Variants in MYCBP2 observed in about 807,000 individuals in gnomAD.
MYCBP2 encodes E3 ubiquitin-protein ligase MYCBP2.
MYCBP2 carries 120 observed loss-of-function variants against 525.3 expected under a neutral mutation model. That is an observed-to-expected ratio of 0.23 (90% CI 0.20 to 0.27). The LOEUF is 0.27. Among genes scored for constraint, MYCBP2 ranks in the 10% least tolerant of loss-of-function variants. The pLI, the probability that MYCBP2 is intolerant of heterozygous loss-of-function variation, is 1.00. For synonymous variants in MYCBP2, 1,894 were observed against 1,955.8 expected (o/e 0.97, Z 0.83); for missense variants, 4,149 against 5,657.1 (o/e 0.73, Z 8.55).
intron 18 of MYCBP2, among the ~76,000 whole-genome samples, chr13:77,232,754 TA>T (rs1324409921): frequency 2.0e-5 from 3 of 152,188 alleles, no homozygotes; most frequent in Non-Finnish European, 4.4e-5. Context: ...ATACTGAATT[TA>T]GTAATATTGT....
rs541930506 is a variant in MYCBP2, at chr13:77,190,913, T to C, written c.4071-578A>G. 2.0e-5 allele frequency among the ~76,000 whole-genome samples: 3 copies of C among 152,318 alleles called. 1 individual carries two copies. Among genetic ancestry groups the C allele is most frequent in the African/African-American group, 7.2e-5 (3 of 41,576 alleles). On this transcript the variant is annotated intron_variant, in intron 28 of 82. Coordinates refer to ENST00000544440, the MANE Select transcript of MYCBP2 (RefSeq NM_015057.5). ...ACCTGCACTGGAATATATACTGTTA[T>C]ATAACTTCAACTGATTTCAAATAGT...
intron 1 of MYCBP2, among the ~76,000 whole-genome samples, chr13:77,307,489 G>A (rs1406507127): frequency 2.0e-5 from 3 of 151,144 alleles, no homozygotes; most frequent in Non-Finnish European, 3.0e-5. Flanking sequence ...AGCCAGGCAC[G>A]GTGGCATGTG....
rs775182597 is a variant in MYCBP2, at chr13:77,146,187, G to A, written c.7162C>T (p.Arg2388Cys). 3 of 1,597,474 alleles carry A rather than the reference G, an allele frequency of 1.9e-6. No individual in the cohort carries two copies. Among genetic ancestry groups the A allele is most frequent in the Non-Finnish European group, 1.7e-6 (2 of 1,172,860 alleles). The change falls in exon 48 of 83, where the codon CGT (arginine) becomes TGT (cysteine). Residue 2388 changes from arginine to cysteine, a missense_variant. Arg to Cys is a radical substitution (Grantham distance 180). Around this residue, in one of 21 missense-constraint regions of MYCBP2, gnomAD observed 692 missense variants for 852.7 expected, o/e 0.81. Coordinates refer to ENST00000544440, the MANE Select transcript of MYCBP2 (RefSeq NM_015057.5). Reference sequence around the variant, plus strand: ...CTCTTAGGAGTTGGTGATGCAAAACGTAGTTCTTCAAATGAATAATTTTCA... The same window carrying A: ...CTCTTAGGAGTTGGTGATGCAAAACATAGTTCTTCAAATGAATAATTTTCA... Reference protein sequence around the residue: ...VYENYSFEELRFASPTPKRPS... With the variant: ...VYENYSFEELCFASPTPKRPS...
chr13:77,112,210 G>C (rs991553976), intron 55 of MYCBP2, among the ~76,000 whole-genome samples: 2 of 150,856 alleles, frequency 1.3e-5, no homozygotes, highest in African/African-American at 4.9e-5. Context: ...TTTCTTGCTT[G>C]TTATGATGGA....
At chr13:77,150,508 T>C (rs938142413) in intron 47 of MYCBP2, among the ~76,000 whole-genome samples, 8 of 152,152 alleles carry the variant, frequency 5.3e-5, no homozygotes, top group African/African-American at 1.7e-4. Context: ...CTGATTCGAT[T>C]AACTTGATCT....
intron 46 of MYCBP2, among the ~76,000 whole-genome samples, chr13:77,151,772 A>G (rs1246093447): frequency 2.6e-5 from 4 of 152,248 alleles, no homozygotes; most frequent in Non-Finnish European, 1.5e-5. Flanking sequence ...TATTTCATCT[A>G]CTAACTACTA....
In MYCBP2 at chr13:77,273,686, T is replaced by A; in HGVS notation, c.749-18A>T. ...GAGAGACTCTGTGGATAAAATAGAA[T>A]TCAATTATATTCATCCAACATACGG... On this transcript the variant is annotated intron_variant, in intron 4 of 82. Transcript: ENST00000544440. 13 of 1,447,322 alleles carry A rather than the reference T, an allele frequency of 9.0e-6. No homozygotes were observed. Among genetic ancestry groups the A allele is most frequent in the Non-Finnish European group, 1.1e-5 (12 of 1,094,666 alleles). The allele number at this position is 1,447,322 out of a possible 1,614,324, so 89.7% of individuals were successfully genotyped here. A position where few individuals can be genotyped will look rare whatever the true frequency, so the allele number is the denominator to read the frequency against.
chr13:77,117,285 T>C (rs1420011379), intron 55 of MYCBP2, among the ~76,000 whole-genome samples: 1 of 152,078 alleles, frequency 6.6e-6, no homozygotes, highest in Non-Finnish European at 1.5e-5. Flanking sequence ...ACGAACATGA[T>C]AAGCTAGAAA....
intron 1 of MYCBP2, among the ~76,000 whole-genome samples, chr13:77,305,995 T>C (rs758603663): frequency 6.6e-6 from 1 of 152,128 alleles, no homozygotes; most frequent in Non-Finnish European, 1.5e-5. Flanking sequence ...ATGCAAGGAT[T>C]TGTACTATCA....
intron 26 of MYCBP2, among the ~76,000 whole-genome samples, chr13:77,203,658 A>G (rs994833756): frequency 2.0e-5 from 3 of 152,248 alleles, no homozygotes; most frequent in African/African-American, 7.2e-5. Flanking sequence ...CTACAAGGCT[A>G]CAGTAACCAA....
Position 77,088,895 on chromosome 13 carries a change from T to C in MYCBP2, c.10662A>G (p.Glu3554=). 6.2e-7 allele frequency: 1 copy of C among 1,613,384 alleles called. No individual in the cohort carries two copies. Among genetic ancestry groups the C allele is most frequent in the Non-Finnish European group, 8.5e-7 (1 of 1,179,552 alleles). Residue 3554 remains glutamate, a synonymous_variant, in exon 61 of 83, where the codon GAA becomes GAG. Coordinates refer to ENST00000544440, the MANE Select transcript of MYCBP2 (RefSeq NM_015057.5). ...LAFVIQHHDL[E]GLEIAMKQAL... ...CCTGTTTCATTGCTATTTCAAGACC[T>C]TCTAGATCATGATGTTGTATAACAA...
intron 82 of MYCBP2, among the ~76,000 whole-genome samples, chr13:77,049,074 C>T (rs2036192199): frequency 6.6e-6 from 1 of 152,078 alleles, no homozygotes; most frequent in Admixed American, 6.5e-5. Flanking sequence ...CTTTCCAGAC[C>T]ACAACCTACA....
intron 7 of MYCBP2, 152 bp downstream of exon 7, chr13:77,269,840 C>T: frequency 1.6e-6 from 1 of 635,626 alleles, no homozygotes; most frequent in Non-Finnish European, 2.6e-6. Context: ...AGACAGTGTT[C>T]TTTACGCTAC....
Position 77,081,962 on chromosome 13 carries a change from G to A in MYCBP2, c.11068C>T (p.His3690Tyr). The stretch of plus-strand genomic sequence containing the variant: ...ACGTTGCTCTGATGAAGGAACTGGT[G>A]ATCAGATTGCTTGAATTTGAGACTC... ...CWSLKFKQSD[H>Y]QFLHQSNVFH... is the part of the protein sequence containing the mutation. Residue 3690 changes from histidine (H) to tyrosine (Y), a missense_variant, in exon 64 of 83, where the codon CAC (histidine) becomes TAC (tyrosine). Physicochemically the swap from His to Tyr is moderately conservative, Grantham distance 83. Transcript: ENST00000544440. The surrounding 1 kb of genome is among the most constrained non-coding windows in gnomAD (Gnocchi z 4.6). 6.2e-7 allele frequency: 1 copy of A among 1,613,310 alleles called. No individual in the cohort carries two copies. Among genetic ancestry groups the A allele is most frequent in the Non-Finnish European group, 8.5e-7 (1 of 1,179,602 alleles).
At position 77,326,484 on chromosome 13, in the gene MYCBP2, G is replaced by A; in HGVS notation, c.292C>T (p.Pro98Ser). ...RDQGGGSAGH[P>S]ASRNKKILNK... ...ACCCTGGGGACGCACCTGGAGGCTG[G>A]GTGTCCAGCGCTGCCGCCCCCCTGG... Residue 98 changes from proline (P) to serine (S), a missense_variant, in exon 1 of 83, where the codon CCA (proline) becomes TCA (serine). Pro to Ser is a moderately conservative substitution (Grantham distance 74, BLOSUM62 -1). This residue lies in a region of MYCBP2 where 413 missense variants were observed against 451.2 expected (regional missense o/e 0.92). Coordinates refer to ENST00000544440, the MANE Select transcript of MYCBP2 (RefSeq NM_015057.5). The surrounding 1 kb of genome is among the most constrained non-coding windows in gnomAD (Gnocchi z 4.2). 1 of 1,576,598 alleles carries A rather than the reference G, an allele frequency of 6.3e-7. No individual in the cohort carries two copies.
intron 82 of MYCBP2, among the ~76,000 whole-genome samples, chr13:77,049,148 C>T (rs2036208025): frequency 6.6e-6 from 1 of 152,056 alleles, no homozygotes; most frequent in African/African-American, 2.4e-5. Context: ...AGAATACTGC[C>T]CTTTCCACAC....
chr13:77,118,464 A>C (rs1267326451), intron 55 of MYCBP2: 1 of 764,834 alleles, frequency 1.3e-6, no homozygotes, highest in African/African-American at 1.7e-5. Context: ...GTCGTGACTG[A>C]ATGGAATTCA....
At position 77,044,895 on chromosome 13, in the gene MYCBP2, C is replaced by G; in HGVS notation, c.*483G>C. On this transcript the variant is annotated 3_prime_UTR_variant, in exon 83 of 83. Transcript: ENST00000544440. ...TTATTACATTTATATGCTGTCCTAA[C>G]ACAATGTTTTTTTTTTTTTTAAATA... The G allele has an allele frequency of 2.5e-6, 1 of 400,076 alleles. No individual in the cohort carries two copies. The highest frequency in any genetic ancestry group is 4.4e-6 in the Non-Finnish European group (1 of 227,144). 24.8% of individuals were successfully genotyped at this position (400,076 alleles called of 1,614,324 possible).
At position 77,206,534 on chromosome 13, in the gene MYCBP2, G is replaced by C. The variant is rs541103126; in HGVS notation, c.3589+119C>G. The C allele has an allele frequency of 9.0e-4, 878 of 972,638 alleles. 13 individuals are homozygous for C. The South Asian group carries it at 0.013, about 14-fold the overall frequency. 60.3% of individuals were successfully genotyped at this position (972,638 alleles called of 1,614,324 possible). On this transcript the variant is annotated intron_variant, in intron 24 of 82. Coordinates refer to ENST00000544440, the MANE Select transcript of MYCBP2 (RefSeq NM_015057.5). The stretch of plus-strand genomic sequence containing the variant: ...CCTCTTAGAGGATTTAACTTATTTT[G>C]TACATTATTATTATTTAACAAACAA...
Sources: allele counts gnomAD v4.1 joint callset (sites outside exome capture counted in the v4.1 genomes callset), GRCh38; gene constraint gnomAD v4.1.1; regional missense constraint gnomAD v4.1.1; non-coding constraint Gnocchi (gnomAD v3.1); transcripts MANE v1.5; gene names NCBI Gene and HGNC (gene_info 2026-07-23, HGNC 2026-07-21).